Variants in PTPRK observed in about 807,000 individuals in gnomAD.
PTPRK encodes protein tyrosine phosphatase receptor type K.
In PTPRK, 75 loss-of-function variants were observed where a neutral mutation model predicts 178.0. The observed-to-expected ratio is 0.42, with a 90% CI of 0.35 to 0.51. The LOEUF is 0.51. Ranked by LOEUF, PTPRK falls within the 20% of genes least tolerant of loss-of-function variation. The pLI, the probability that PTPRK is intolerant of heterozygous loss-of-function variation, is 0.02. For missense variants in PTPRK, 1,441 were observed against 1,797.8 expected (o/e 0.80, Z 3.59); for synonymous variants, 637 against 620.6 (o/e 1.03, Z -0.39).
intron 1 of PTPRK, chr6:128,491,863 C>T (rs762500347): frequency 2.2e-5 from 11 of 502,276 alleles, no homozygotes; most frequent in Admixed American, 8.3e-5. Flanking sequence ...AAAACGAAAG[C>T]GGCTTGGTAA....
chr6:128,175,566 G>A (rs919215340), intron 7 of PTPRK, among the ~76,000 whole-genome samples: 1 of 151,534 alleles, frequency 6.6e-6, no homozygotes. Context: ...AAAGGAAATG[G>A]GTTGGCATGA....
chr6:128,375,058 C>CATCATTATTATTATT (rs374912859), intron 2 of PTPRK, among the ~76,000 whole-genome samples: 1 of 132,286 alleles, frequency 7.6e-6, no homozygotes, highest in Non-Finnish European at 1.6e-5. Context: ...AGAAACACTG[C>CATCATTATTATTATT]ATTATTATTA....
intron 2 of PTPRK, among the ~76,000 whole-genome samples, chr6:128,330,095 C>A (rs1474152382): frequency 6.6e-6 from 1 of 152,092 alleles, no homozygotes; most frequent in Non-Finnish European, 1.5e-5. Flanking sequence ...AAGAACATGC[C>A]AGAAACTGTT....
intron 6 of PTPRK, among the ~76,000 whole-genome samples, chr6:128,204,840 C>A (rs568329411): frequency 6.6e-6 from 1 of 152,046 alleles, no homozygotes. Flanking sequence ...TCAACCCTTG[C>A]GGAAGACAGT....
intron 1 of PTPRK, chr6:128,409,434 C>CCTG: frequency 3.0e-6 from 1 of 336,870 alleles, no homozygotes; most frequent in Non-Finnish European, 5.9e-6. Context: ...GGGTTTATAA[C>CCTG]TTTGCCAGAA....
chr6:128,362,234 G>A (rs1834873886), intron 2 of PTPRK, among the ~76,000 whole-genome samples: 1 of 152,088 alleles, frequency 6.6e-6, no homozygotes, highest in Admixed American at 6.6e-5. Flanking sequence ...GTGAAAGTGG[G>A]AGCAAGGGAG....
chr6:128,014,586 G>T (rs1779394729), intron 13 of PTPRK, among the ~76,000 whole-genome samples: 1 of 151,626 alleles, frequency 6.6e-6, no homozygotes, highest in African/African-American at 2.4e-5. Context: ...GCTCTAGGTA[G>T]AGATAATCTA....
intron 2 of PTPRK, among the ~76,000 whole-genome samples, chr6:128,334,839 C>T (rs1024980759): frequency 2.0e-5 from 3 of 152,018 alleles, no homozygotes; most frequent in African/African-American, 7.3e-5. Context: ...GCCTGTAATC[C>T]CCGGACTTTG....
At chr6:127,971,066 T>G (rs1187880822) in intron 29 of PTPRK, among the ~76,000 whole-genome samples, 3 of 152,184 alleles carry the variant, frequency 2.0e-5, no homozygotes, top group East Asian at 3.8e-4. Context: ...TTTTCAAGAA[T>G]GGTTAGTGAT....
At chr6:128,188,264 A>T (rs972924832) in intron 6 of PTPRK, among the ~76,000 whole-genome samples, 1 of 152,178 alleles carries the variant, frequency 6.6e-6, no homozygotes, top group Non-Finnish European at 1.5e-5. Flanking sequence ...AATAATTTTT[A>T]AAAGTGTCTT....
At chr6:128,454,527 A>G (rs1848167069) in intron 1 of PTPRK, among the ~76,000 whole-genome samples, 1 of 152,194 alleles carries the variant, frequency 6.6e-6, no homozygotes, top group Admixed American at 6.6e-5. Flanking sequence ...CATAAAATTC[A>G]TCATTTTCAA....
In PTPRK at chr6:128,322,364, A is replaced by G. The variant is rs767487160; in HGVS notation, c.224-54T>C. The G allele has an allele frequency of 9.5e-5, 138 of 1,457,434 alleles. No homozygotes were observed. The African/African-American group carries it at 1.8e-3, about 19-fold the overall frequency. The allele number at this position is 1,457,434 out of a possible 1,614,324, so 90.3% of individuals were successfully genotyped here. A position where few individuals can be genotyped will look rare whatever the true frequency, so the allele number is the denominator to read the frequency against. ...AAAGAGATATATAAGCAAAGGGAAC[A>G]TATAACAATAAAAATATGCTAATCC... On this transcript the variant is annotated intron_variant, in intron 2 of 29. Transcript: ENST00000368226.
At chr6:128,404,109 C>A (rs1469691095) in intron 1 of PTPRK, among the ~76,000 whole-genome samples, 2 of 152,196 alleles carry the variant, frequency 1.3e-5, no homozygotes, top group African/African-American at 4.8e-5. Context: ...TAAAAGCTTA[C>A]AACCAAGAAC....
intron 16 of PTPRK, among the ~76,000 whole-genome samples, chr6:127,997,571 T>C (rs960649289): frequency 2.6e-5 from 4 of 152,062 alleles, no homozygotes; most frequent in Non-Finnish European, 5.9e-5. Flanking sequence ...TTAATTACTA[T>C]ATGCAGCAAT....
At chr6:128,059,484 A>T (rs778122013) in intron 13 of PTPRK, among the ~76,000 whole-genome samples, 1 of 152,082 alleles carries the variant, frequency 6.6e-6, no homozygotes, top group Non-Finnish European at 1.5e-5. Flanking sequence ...TACCTTTTGA[A>T]TTTTTTGCTG....
chr6:128,182,019 A>G (rs1801990725), intron 7 of PTPRK, among the ~76,000 whole-genome samples: 1 of 152,108 alleles, frequency 6.6e-6, no homozygotes, highest in Admixed American at 6.6e-5. Context: ...TCTAGTCTAT[A>G]AGTACTTCCC....
At chr6:128,299,813 A>T (rs944379590) in intron 3 of PTPRK, among the ~76,000 whole-genome samples, 2 of 152,090 alleles carry the variant, frequency 1.3e-5, no homozygotes, top group Admixed American at 1.3e-4. Context: ...TAGGCATGGG[A>T]AAGGACTTCA....
intron 2 of PTPRK, among the ~76,000 whole-genome samples, chr6:128,382,110 A>T (rs1041396269): frequency 2.1e-5 from 3 of 145,766 alleles, no homozygotes; most frequent in Middle Eastern, 3.6e-3. Context: ...CATGACTGTG[A>T]CACTGCACTC....
intron 1 of PTPRK, among the ~76,000 whole-genome samples, chr6:128,493,032 G>A (rs1409963918): frequency 1.3e-5 from 2 of 152,066 alleles, no homozygotes; most frequent in African/African-American, 4.8e-5. Flanking sequence ...TTTAGAAGCC[G>A]GAATATGTGT....
Sources: allele counts gnomAD v4.1 joint callset (sites outside exome capture counted in the v4.1 genomes callset), GRCh38; gene constraint gnomAD v4.1.1; transcripts MANE v1.5; gene names NCBI Gene and HGNC (gene_info 2026-07-23, HGNC 2026-07-21).